The following SMU1 variants were observed in gnomAD, a reference collection of about 807,000 sequenced individuals.
The protein encoded by SMU1 is SMU1 DNA replication regulator and spliceosomal factor, also known as WD40 repeat-containing protein SMU1.
In SMU1, 2 loss-of-function variants were observed where a neutral mutation model predicts 62.0. That is an observed-to-expected ratio of 0.03 (90% confidence interval 0.01 to 0.10). SMU1 has a LOEUF of 0.10. SMU1 is among the 10% of genes least tolerant of loss of function. The pLI, the probability that SMU1 is intolerant of heterozygous loss-of-function variation, is 1.00. For synonymous variants in SMU1, 188 were observed against 212.4 expected, an observed-to-expected ratio of 0.89 and a Z score of 1.00; for missense variants, 227 against 622.1, an observed-to-expected ratio of 0.36 and a Z score of 6.76.
At chr9:33,069,618 T>C (rs1839463941) in intron 3 of SMU1, among the ~76,000 whole-genome samples, 1 of 152,064 alleles carries the variant, frequency 6.6e-6, no homozygotes. Flanking sequence ...CTGGCCAACA[T>C]GGTGAAACTC....
At chr9:33,054,306 T>C (rs534349515) in intron 9 of SMU1, among the ~76,000 whole-genome samples, 1 of 152,150 alleles carries the variant, frequency 6.6e-6, no homozygotes, top group South Asian at 2.1e-4. Context: ...CAGGTGCCAA[T>C]AAGCCTGGCT....
In SMU1 at chr9:33,056,446, T is replaced by A. The variant is rs1186613468; in HGVS notation, c.996-207A>T. ...CAAAGAAAGAGGCTGGAAGAAAATA[T>A]GCCAGTAATACCACAAGCTTCTGTT... On this transcript the variant is annotated intron_variant, in intron 8 of 11. Transcript: ENST00000397149. 7.2e-5 allele frequency among the ~76,000 whole-genome samples: 11 copies of A among 152,158 alleles called. No individual in the cohort carries two copies. In the East Asian group the frequency reaches 2.1e-3, roughly 29 times the overall value.
rs754542329 is a variant in SMU1, at chr9:33,068,902, T to G, written c.423A>C (p.Arg141Ser). 1 of 1,614,060 alleles carries G rather than the reference T, an allele frequency of 6.2e-7. No homozygotes were observed. The highest frequency in any genetic ancestry group is 2.2e-5 in the East Asian group (1 of 44,862). The change falls in exon 4 of 12, where the codon AGA becomes AGC. Residue 141 changes from arginine to serine, a missense_variant. Physicochemically the swap from Arg to Ser is moderately radical, Grantham distance 110. Coordinates refer to ENST00000397149, the MANE Select transcript of SMU1 (RefSeq NM_018225.3). ...AYPDGSSKEK[R>S]RAAIAQALAG... ...CTAAGGCCTGGGCAATTGCTGCTCTTCTCTTTTCTTTGCTACTTCCATCTG... is the reference window on the plus strand; with the variant it reads ...CTAAGGCCTGGGCAATTGCTGCTCTGCTCTTTTCTTTGCTACTTCCATCTG...
At chr9:33,058,667 G>T (rs1187456193) in intron 6 of SMU1, among the ~76,000 whole-genome samples, 12 of 151,742 alleles carry the variant, frequency 7.9e-5, no homozygotes, top group Admixed American at 7.9e-4. Context: ...AGCTATATGG[G>T]GAAAAAACCA....
At chr9:33,066,980 C>T (rs573620465) in intron 4 of SMU1, among the ~76,000 whole-genome samples, 15 of 151,074 alleles carry the variant, frequency 9.9e-5, no homozygotes, top group Non-Finnish European at 1.0e-4. Context: ...TATCAGCAAG[C>T]GGAAAAAAAA....
intron 4 of SMU1, among the ~76,000 whole-genome samples, chr9:33,063,477 G>A (rs1200987633): frequency 6.6e-6 from 1 of 152,002 alleles, no homozygotes; most frequent in African/African-American, 2.4e-5. Flanking sequence ...CTTTCCTTTT[G>A]TTATTCCAAG....
chr9:33,070,295 TG>T (rs1288906806), intron 3 of SMU1, among the ~76,000 whole-genome samples: 1 of 152,182 alleles, frequency 6.6e-6, no homozygotes, highest in Non-Finnish European at 1.5e-5. Context: ...TCAACACAAC[TG>T]ATCATTAGAG....
At chr9:33,075,396 G>A (rs1376217856) in intron 1 of SMU1, among the ~76,000 whole-genome samples, 1 of 151,930 alleles carries the variant, frequency 6.6e-6, no homozygotes, top group Non-Finnish European at 1.5e-5. Context: ...AAAGGGAACT[G>A]ATTGCTGCTA....
chr9:33,075,871 T>C (rs2117895675), intron 1 of SMU1, among the ~76,000 whole-genome samples: 1 of 152,320 alleles, frequency 6.6e-6, no homozygotes, highest in East Asian at 1.9e-4. Flanking sequence ...TAAGGTCTTC[T>C]TTAGTCACTA....
At position 33,041,779 on chromosome 9, in the gene SMU1, C is replaced by T. The variant is rs1034681169; in HGVS notation, c.*5514G>A. 1.3e-5 allele frequency: 2 copies of T among 152,008 alleles called. No homozygotes were observed. The highest frequency in any genetic ancestry group is 4.8e-5 in the African/African-American group (2 of 41,360). 9.4% of individuals were successfully genotyped at this position (152,008 alleles called of 1,614,324 possible). On this transcript the variant is annotated 3_prime_UTR_variant, in exon 12 of 12. Coordinates refer to ENST00000397149, the MANE Select transcript of SMU1 (RefSeq NM_018225.3). ...AAAAGGAATACTTTTTATACTTCCCCCAAATATGAAGCACTTTACTGTTTG... is the reference window on the plus strand; with the variant it reads ...AAAAGGAATACTTTTTATACTTCCCTCAAATATGAAGCACTTTACTGTTTG...
Position 33,045,947 on chromosome 9 carries a change from A to C in SMU1, c.*1346T>G, listed in dbSNP as rs901904004. 6.6e-6 allele frequency: 1 copy of C among 152,232 alleles called. No individual in the cohort carries two copies. The highest frequency in any genetic ancestry group is 2.4e-5 in the African/African-American group (1 of 41,448). 9.4% of individuals were successfully genotyped at this position (152,232 alleles called of 1,614,324 possible). A position where few individuals can be genotyped will look rare whatever the true frequency, so the allele number is the denominator to read the frequency against. On this transcript the variant is annotated 3_prime_UTR_variant, in exon 12 of 12. Coordinates refer to ENST00000397149, the MANE Select transcript of SMU1 (RefSeq NM_018225.3). ...TGTACCTAATAAATGCTAACATTTA[A>C]AAGGGGGCACAAAAGGCCTGCAGAA...
chr9:33,063,285 C>T (rs1839383276), intron 4 of SMU1, among the ~76,000 whole-genome samples: 1 of 152,076 alleles, frequency 6.6e-6, no homozygotes, highest in Admixed American at 6.5e-5. Flanking sequence ...TTGCTTGAAC[C>T]CGGGACGCAG....
At chr9:33,051,485 A>C (rs1564019879) in intron 10 of SMU1, among the ~76,000 whole-genome samples, 1 of 152,158 alleles carries the variant, frequency 6.6e-6, no homozygotes, top group Non-Finnish European at 1.5e-5. Context: ...TGATGTACCA[A>C]ATGCAGGTTC....
chr9:33,051,957 C>T (rs1839254985), intron 10 of SMU1, among the ~76,000 whole-genome samples: 1 of 147,018 alleles, frequency 6.8e-6, no homozygotes, highest in South Asian at 2.1e-4. Flanking sequence ...GCGGAGGTTA[C>T]AGTGAGCCGA....
intron 2 of SMU1, 60 bp from the exon 3 acceptor site, chr9:33,071,952 T>C (rs1839491944): frequency 6.9e-7 from 1 of 1,451,716 alleles, no homozygotes; most frequent in Non-Finnish European, 9.1e-7. Context: ...GTCTTATTAA[T>C]ATTTTTCGGT....
intron 4 of SMU1, among the ~76,000 whole-genome samples, chr9:33,066,023 C>T (rs576802581): frequency 9.2e-5 from 14 of 152,296 alleles, no homozygotes; most frequent in African/African-American, 3.4e-4. Context: ...GAACTACTCT[C>T]TGGAAAAGCT....
At chr9:33,059,766 C>T (rs1336908244) in intron 6 of SMU1, among the ~76,000 whole-genome samples, 1 of 150,610 alleles carries the variant, frequency 6.6e-6, no homozygotes, top group Non-Finnish European at 1.5e-5. Flanking sequence ...CCACCAGGCC[C>T]AGCTAATTTT....
At chr9:33,054,051 A>C (rs980491060) in intron 9 of SMU1, among the ~76,000 whole-genome samples, 7 of 152,226 alleles carry the variant, frequency 4.6e-5, no homozygotes, top group Non-Finnish European at 7.3e-5. Context: ...TTGGGAAGCC[A>C]AGGCGGGTGG....
At position 33,042,536 on chromosome 9, in the gene SMU1, T is replaced by C. The variant is rs1307955358; in HGVS notation, c.*4757A>G. 1.3e-5 allele frequency: 2 copies of C among 152,218 alleles called. No homozygotes were observed. Among genetic ancestry groups the C allele is most frequent in the African/African-American group, 2.4e-5 (1 of 41,448 alleles). The allele number at this position is 152,218 out of a possible 1,614,324, so 9.4% of individuals were successfully genotyped here. A position where few individuals can be genotyped will look rare whatever the true frequency, so the allele number is the denominator to read the frequency against. On this transcript the variant is annotated 3_prime_UTR_variant, in exon 12 of 12. Coordinates refer to ENST00000397149, the MANE Select transcript of SMU1 (RefSeq NM_018225.3). ...AGAGTGCTCTTGGAACAGTGGCAAA[T>C]TTTCTGTACGTGAAATTAGCTTCTC...
Sources: allele counts gnomAD v4.1 joint callset (sites outside exome capture counted in the v4.1 genomes callset), GRCh38; gene constraint gnomAD v4.1.1; transcripts MANE v1.5; gene names NCBI Gene and HGNC (gene_info 2026-07-23, HGNC 2026-07-21).